The following SNX2 variants were observed in gnomAD, a reference collection of about 807,000 sequenced individuals.
SNX2 encodes the protein sorting nexin-2.
In SNX2, 25 loss-of-function variants were observed where a neutral mutation model predicts 69.9. That is an observed-to-expected ratio of 0.36 (90% CI 0.26 to 0.50). The LOEUF (loss-of-function observed/expected upper bound fraction) is 0.50. Ranked by LOEUF, SNX2 falls within the 20% of genes least tolerant of loss-of-function variation. The pLI, the probability that SNX2 is intolerant of heterozygous loss-of-function variation, is 0.97. For missense variants in SNX2, 551 were observed against 613.3 expected (o/e 0.90, Z 1.07); for synonymous variants, 229 against 200.4 (o/e 1.14, Z -1.20).
At chr5:122,784,696 T>C (rs79951994) in intron 1 of SNX2, among the ~76,000 whole-genome samples, 1,909 of 152,306 alleles carry the variant, frequency 0.013, 41 homozygotes, top group African/African-American at 0.044. Flanking sequence ...CAGATATTTG[T>C]GTTTTCTTTT....
At chr5:122,816,122 T>A in intron 8 of SNX2, 151 bp downstream of exon 8, 1 of 433,514 alleles carries the variant, frequency 2.3e-6, no homozygotes, top group Non-Finnish European at 4.1e-6. Flanking sequence ...ATTACCCTGC[T>A]AAATTAGTAG....
At position 122,832,324 on chromosome 5, in the gene SNX2, TTAAAA is replaced by T. The variant is rs1436787008; in HGVS notation, c.*2679_*2683del. On this transcript the variant is annotated 3_prime_UTR_variant, in exon 15 of 15. Transcript: ENST00000379516. ...GCCTTTCTACTTTAAAATATTTTGT[TTAAAA>T]TATCAAACTTCAATATAAATATGTT... The T allele has an allele frequency of 2.0e-5, 3 of 152,206 alleles. No individual in the cohort carries two copies. Among genetic ancestry groups the T allele is most frequent in the Admixed American group, 6.5e-5 (1 of 15,288 alleles). 9.4% of individuals were successfully genotyped at this position (152,206 alleles called of 1,614,324 possible).
In SNX2 at chr5:122,833,204, T is replaced by A. The variant is rs185336429; in HGVS notation, c.*3556T>A. The A allele has an allele frequency of 6.6e-6, 1 of 152,168 alleles. No individual in the cohort carries two copies. Among genetic ancestry groups the A allele is most frequent in the Non-Finnish European group, 1.5e-5 (1 of 68,004 alleles). The allele number at this position is 152,168 out of a possible 1,614,324, so 9.4% of individuals were successfully genotyped here. A position where few individuals can be genotyped will look rare whatever the true frequency, so the allele number is the denominator to read the frequency against. On this transcript the variant is annotated 3_prime_UTR_variant, in exon 15 of 15. Transcript: ENST00000379516. ...TGAAGGATTTGGTTTCATGTAACAA[T>A]GAAAGTAGATAATGGGTCAGACATG...
intron 11 of SNX2, among the ~76,000 whole-genome samples, chr5:122,821,495 G>A (rs994587398): frequency 6.8e-5 from 10 of 147,508 alleles, no homozygotes; most frequent in African/African-American, 2.0e-4. Context: ...TCGCTCTGTC[G>A]CCCAGGCTGG....
At chr5:122,806,142 G>GCGCACGCGCACGCACACACACACACACA in intron 6 of SNX2, among the ~76,000 whole-genome samples, 3 of 130,584 alleles carry the variant, frequency 2.3e-5, no homozygotes, top group Non-Finnish European at 4.9e-5. Flanking sequence ...ACACGCGCGC[G>GCGCACGCGCACGCACACACACACACACA]CACACACACA....
intron 5 of SNX2, among the ~76,000 whole-genome samples, chr5:122,802,899 A>G (rs1753548495): frequency 6.6e-6 from 1 of 152,186 alleles, no homozygotes; most frequent in Admixed American, 6.5e-5. Flanking sequence ...GTTATTGACT[A>G]GAGGGACTTT....
intron 1 of SNX2, among the ~76,000 whole-genome samples, chr5:122,776,186 G>A (rs1752853042): frequency 1.3e-5 from 2 of 152,080 alleles, no homozygotes; most frequent in Non-Finnish European, 2.9e-5. Context: ...TTTTCAATAA[G>A]CTTTCTTGGC....
intron 1 of SNX2, among the ~76,000 whole-genome samples, chr5:122,788,122 TC>T (rs1753133817): frequency 6.6e-6 from 1 of 152,220 alleles, no homozygotes; most frequent in East Asian, 1.9e-4. Flanking sequence ...AAACTTTATT[TC>T]ACCTTCAATC....
chr5:122,827,972 T>C (rs1175811695), intron 14 of SNX2: 6 of 205,224 alleles, frequency 2.9e-5, no homozygotes, highest in African/African-American at 1.4e-4. Flanking sequence ...TAAATTCTCA[T>C]AGTAAGTTCT....
Position 122,817,037 on chromosome 5 carries a change from T to G in SNX2, c.912+9T>G. On this transcript the variant is annotated intron_variant, in intron 9 of 14. Transcript: ENST00000379516. ...TGAATGAATCGGATGCAGTAAGAGC[T>G]GATTTTTCGGCTTGAATAATGAGAT... is the stretch of plus-strand genomic sequence containing the variant. 1.3e-6 allele frequency: 2 copies of G among 1,590,432 alleles called. No homozygotes were observed. The highest frequency in any genetic ancestry group is 1.7e-6 in the Non-Finnish European group (2 of 1,158,978).
intron 1 of SNX2, among the ~76,000 whole-genome samples, chr5:122,777,816 C>T (rs1003652271): frequency 2.6e-5 from 4 of 152,146 alleles, no homozygotes; most frequent in Non-Finnish European, 4.4e-5. Flanking sequence ...TTACCTCAAA[C>T]GTTTATCAGT....
Position 122,808,302 on chromosome 5 carries a change from A to T in SNX2, c.669A>T (p.Lys223Asn), listed in dbSNP as rs781203632. The change falls in exon 7 of 15, where the codon AAA (lysine) becomes AAT (asparagine). Residue 223 changes from lysine (K) to asparagine (N), a missense_variant. Lys to Asn is a moderately conservative substitution (Grantham distance 94). Coordinates refer to ENST00000379516, the MANE Select transcript of SNX2 (RefSeq NM_003100.4). ...IVGMTKVKVG[K>N]EDSSSTEFVE... ...GGATGACCAAGGTCAAAGTGGGTAA[A>T]GAAGACTCATCATCCACTGAGTTTG... 1 of 1,611,624 alleles carries T rather than the reference A, an allele frequency of 6.2e-7. No homozygotes were observed. Among genetic ancestry groups the T allele is most frequent in the South Asian group, 1.1e-5 (1 of 90,690 alleles).
intron 7 of SNX2, among the ~76,000 whole-genome samples, chr5:122,809,839 G>A (rs985362298): frequency 6.6e-6 from 1 of 152,140 alleles, no homozygotes; most frequent in Non-Finnish European, 1.5e-5. Flanking sequence ...TAAAATCTTA[G>A]AGAAGGCTTA....
Position 122,795,277 on chromosome 5 carries a change from A to G in SNX2, c.120A>G (p.Ser40=). ...STVSTLESSP[S]SPEPASLPAE... is the part of the protein sequence containing the mutation. ...TTCTTTTTTAACAGTCAAGTCCATC[A>G]TCTCCAGAACCAGCTAGTCTTCCTG... Residue 40 remains serine (S), a synonymous_variant, in exon 2 of 15, where the codon TCA becomes TCG. Coordinates refer to ENST00000379516, the MANE Select transcript of SNX2 (RefSeq NM_003100.4). The G allele has an allele frequency of 6.2e-7, 1 of 1,612,288 alleles. No individual in the cohort carries two copies. The highest frequency in any genetic ancestry group is 8.5e-7 in the Non-Finnish European group (1 of 1,178,604).
Position 122,784,140 on chromosome 5 carries a change from C to T in SNX2, c.108+8929C>T, listed in dbSNP as rs188506674. 6.6e-5 allele frequency among the ~76,000 whole-genome samples: 10 copies of T among 151,398 alleles called. No individual in the cohort carries two copies. In the East Asian group the frequency reaches 1.9e-3, roughly 29 times the overall value. On this transcript the variant is annotated intron_variant, in intron 1 of 14. Coordinates refer to ENST00000379516, the MANE Select transcript of SNX2 (RefSeq NM_003100.4). ...AGGTTTAGTAGGTTTTTGTAGAGTC[C>T]GATGATTTTCTGTGTAGATAATCAT...
intron 1 of SNX2, among the ~76,000 whole-genome samples, chr5:122,787,545 AAG>A (rs2150002230): frequency 6.6e-6 from 1 of 152,040 alleles, no homozygotes; most frequent in Non-Finnish European, 1.5e-5. Flanking sequence ...AAGAAAGAAA[AAG>A]AGTGATAGCT....
chr5:122,803,918 C>G (rs1363580143), intron 6 of SNX2: 1 of 189,208 alleles, frequency 5.3e-6, no homozygotes, highest in African/African-American at 2.3e-5. Context: ...GTAGGAAGAT[C>G]ACTTGAGGTT....
intron 9 of SNX2, 114 bp from the exon 10 acceptor site, chr5:122,817,166 T>C: frequency 2.5e-6 from 3 of 1,180,080 alleles, no homozygotes; most frequent in Non-Finnish European, 3.7e-6. Context: ...TTGGCCACCA[T>C]GGTTATAAGG....
chr5:122,786,759 C>T (rs3756361), intron 1 of SNX2, among the ~76,000 whole-genome samples: 61,055 of 151,494 alleles, frequency 0.4, 12,834 homozygotes, highest in African/African-American at 0.49. Flanking sequence ...CCTCCTTAGT[C>T]GGCCTGCTAT....
Sources: allele counts gnomAD v4.1 joint callset (sites outside exome capture counted in the v4.1 genomes callset), GRCh38; gene constraint gnomAD v4.1.1; transcripts MANE v1.5; gene names NCBI Gene and HGNC (gene_info 2026-07-23, HGNC 2026-07-21).